The following C5orf63 variants were observed in gnomAD, a reference collection of about 807,000 sequenced individuals.
C5orf63 encodes the protein glutaredoxin-like protein C5orf63.
In C5orf63, 18 loss-of-function variants were observed where a neutral mutation model predicts 13.3. That is an observed-to-expected ratio of 1.36 (90% CI 0.94 to 2.01). The LOEUF (loss-of-function observed/expected upper bound fraction) is 2.01, where lower values mean the gene tolerates loss of function less well. Among genes scored for constraint, C5orf63 ranks in the 30% most tolerant of loss-of-function variants. C5orf63 has a pLI of 0.00. For synonymous variants in C5orf63, 38 were observed against 44.7 expected (o/e 0.85, Z 0.60); for missense variants, 118 against 127.7 (o/e 0.92, Z 0.36).
chr5:127,051,626 G>A lies in C5orf63; in HGVS notation c.*145C>T, dbSNP rs1753678850. ...CACTGATACTTCCATCAACCAAAAGGGGAATGTCAACATTTATTTGGCACC... is the reference window on the plus strand; with the variant it reads ...CACTGATACTTCCATCAACCAAAAGAGGAATGTCAACATTTATTTGGCACC... On this transcript the variant is annotated 3_prime_UTR_variant, in exon 5 of 5. Transcript: ENST00000296662. 1 of 1,284,248 alleles carries A rather than the reference G, an allele frequency of 7.8e-7. No individual in the cohort carries two copies. Among genetic ancestry groups the A allele is most frequent in the Non-Finnish European group, 9.8e-7 (1 of 1,017,330 alleles). The allele number at this position is 1,284,248 out of a possible 1,614,324, so 79.6% of individuals were successfully genotyped here.
downstream of C5orf63, chr5:127,044,426 T>C (rs1170574498): frequency 6.6e-6 from 1 of 152,186 alleles, no homozygotes; most frequent in African/African-American, 2.4e-5. Flanking sequence ...GTAGTCATCT[T>C]TGAACCTGAG....
intron 2 of C5orf63, among the ~76,000 whole-genome samples, chr5:127,059,764 G>T (rs906383387): frequency 6.6e-6 from 1 of 151,616 alleles, no homozygotes; most frequent in African/African-American, 2.4e-5. Context: ...AAGAAACAAT[G>T]GGTAAGCAGC....
intron 2 of C5orf63, among the ~76,000 whole-genome samples, chr5:127,071,202 A>T (rs991334252): frequency 2.0e-5 from 3 of 152,212 alleles, no homozygotes; most frequent in Non-Finnish European, 4.4e-5. Context: ...CTCACAAACA[A>T]ATAACACAAT....
chr5:127,060,034 A>C (rs1468357935), intron 2 of C5orf63, among the ~76,000 whole-genome samples: 3 of 152,122 alleles, frequency 2.0e-5, no homozygotes, highest in African/African-American at 4.8e-5. Context: ...GCTACTCGGG[A>C]GGCTGAGGCA....
chr5:127,073,039 T>G (rs953657854), intron 1 of C5orf63: 1 of 152,200 alleles, frequency 6.6e-6, no homozygotes, highest in African/African-American at 2.4e-5. Flanking sequence ...TCAAAAATAT[T>G]TATTTAAAAA....
chr5:127,061,456 T>C (rs1209719057), intron 2 of C5orf63, among the ~76,000 whole-genome samples: 3 of 152,226 alleles, frequency 2.0e-5, no homozygotes, highest in East Asian at 3.8e-4. Flanking sequence ...TGGATCTCTC[T>C]GCCAACTAAA....
downstream of C5orf63, chr5:127,042,605 TATC>T (rs1753429817): frequency 6.6e-6 from 1 of 152,076 alleles, no homozygotes; most frequent in African/African-American, 2.4e-5. Flanking sequence ...TTTGAAGATT[TATC>T]TTTTCCAGAT....
intron 3 of C5orf63, among the ~76,000 whole-genome samples, chr5:127,053,982 T>C (rs1245929466): frequency 6.6e-6 from 1 of 152,162 alleles, no homozygotes; most frequent in African/African-American, 2.4e-5. Flanking sequence ...TAGCAATACA[T>C]AGATTATGGG....
chr5:127,069,601 TG>T (rs1754458290), intron 2 of C5orf63, among the ~76,000 whole-genome samples: 1 of 152,224 alleles, frequency 6.6e-6, no homozygotes, highest in African/African-American at 2.4e-5. Context: ...CAAGTGACTT[TG>T]GACATTGAGT....
intron 2 of C5orf63, among the ~76,000 whole-genome samples, chr5:127,070,181 G>T (rs1278301720): frequency 6.6e-6 from 1 of 152,058 alleles, no homozygotes; most frequent in Non-Finnish European, 1.5e-5. Context: ...AATCTAAAAA[G>T]ATTCACATCC....
chr5:127,070,547 T>C lies in C5orf63; in HGVS notation c.-8+1037A>G, dbSNP rs183065644. The stretch of plus-strand genomic sequence containing the variant: ...TTGAACTCCTTTGAAATGTTGTTAG[T>C]AAAGTAGAAAAGACAAGTGTGGATT... On this transcript the variant is annotated intron_variant, in intron 2 of 4. Coordinates refer to ENST00000296662, the MANE Select transcript of C5orf63 (RefSeq NM_001164478.2). Among the ~76,000 whole-genome samples the C allele has an allele frequency of 5.1e-4, 77 of 152,310 alleles. 1 individual carries two copies. The highest frequency in any genetic ancestry group is 1.0e-3 in the Non-Finnish European group (70 of 68,018).
At chr5:127,047,565 T>G, downstream of C5orf63, 1 of 608,394 alleles carries the variant, frequency 1.6e-6, no homozygotes, top group Non-Finnish European at 2.9e-6. Flanking sequence ...AGCTATAGGT[T>G]AAAACCAACA....
At chr5:127,066,547 G>T (rs766822268) in intron 2 of C5orf63, among the ~76,000 whole-genome samples, 2 of 152,076 alleles carry the variant, frequency 1.3e-5, no homozygotes, top group Non-Finnish European at 2.9e-5. Flanking sequence ...CTCTAGGTGG[G>T]TGGCAGTGCC....
rs547214246 is a variant in C5orf63 at position 127,069,319 on chromosome 5, T to C, written c.-8+2265A>G. Among the ~76,000 whole-genome samples, 3 of 152,318 alleles carry C rather than the reference T, an allele frequency of 2.0e-5. No homozygotes were observed. In the East Asian group the frequency reaches 5.8e-4, roughly 29 times the overall value. ...TTCCCTTTGACGATATCTCTTATAC[T>C]TAATACTGACCTAGAAAGAAGGCAA... On this transcript the variant is annotated intron_variant, in intron 2 of 4. Transcript: ENST00000296662.
At chr5:127,048,407 G>A (rs1263098553), downstream of C5orf63, among the ~76,000 whole-genome samples, 1 of 152,022 alleles carries the variant, frequency 6.6e-6, no homozygotes, top group African/African-American at 2.4e-5. Context: ...GAGTTAGACC[G>A]CTATGTTCTT....
chr5:127,050,343 CTCTTT>C (rs1240645189), downstream of C5orf63, among the ~76,000 whole-genome samples: 11 of 151,778 alleles, frequency 7.2e-5, no homozygotes, highest in African/African-American at 2.4e-4. Context: ...TTGTTCTTTT[CTCTTT>C]TATTTTTTTT....
At chr5:127,047,640 CT>C (rs767154977), downstream of C5orf63, 8 of 693,156 alleles carry the variant, frequency 1.2e-5, no homozygotes, top group Non-Finnish European at 1.8e-5. Context: ...CTGTCTCCCT[CT>C]ATTCCTATAT....
chr5:127,058,848 C>A lies in C5orf63; in HGVS notation c.114+34G>T, dbSNP rs1336112350. The stretch of plus-strand genomic sequence containing the variant: ...CCCTTTTTCTTAAATGTACAACTTT[C>A]TTCACCCAACAATTTTACTTTTTCA... On this transcript the variant is annotated intron_variant, in intron 3 of 4. Coordinates refer to ENST00000296662, the MANE Select transcript of C5orf63 (RefSeq NM_001164478.2). 4.4e-6 allele frequency: 6 copies of A among 1,363,440 alleles called. No individual in the cohort carries two copies. The African/African-American group carries it at 8.7e-5, about 20-fold the overall frequency. 84.5% of individuals were successfully genotyped at this position (1,363,440 alleles called of 1,614,324 possible). A position where few individuals can be genotyped will look rare whatever the true frequency, so the allele number is the denominator to read the frequency against.
chr5:127,053,856 C>A (rs970420125), intron 3 of C5orf63, among the ~76,000 whole-genome samples: 7 of 152,104 alleles, frequency 4.6e-5, no homozygotes, highest in African/African-American at 1.7e-4. Flanking sequence ...GGGTTGGTTC[C>A]AAGTCTTTGC....
Sources: allele counts gnomAD v4.1 joint callset (sites outside exome capture counted in the v4.1 genomes callset), GRCh38; gene constraint gnomAD v4.1.1; transcripts MANE v1.5; gene names NCBI Gene and HGNC (gene_info 2026-07-23, HGNC 2026-07-21).